The following RETREG1 variants were observed in gnomAD, a reference collection of about 807,000 sequenced individuals.
RETREG1 encodes family with sequence similarity 134 member B.
In RETREG1, 44 loss-of-function variants were observed where a neutral mutation model predicts 54.8. The ratio of observed to expected loss-of-function variants is 0.80; its 90% CI spans 0.63 to 1.03. RETREG1 has a LOEUF of 1.03. Among genes scored for constraint, RETREG1 ranks in the 50% least tolerant of loss-of-function variants. RETREG1 has a pLI of 0.00. For missense variants in RETREG1, 554 were observed against 605.1 expected (o/e 0.92, Z 0.89); for synonymous variants, 217 against 238.5 (o/e 0.91, Z 0.83).
chr5:16,571,844 A>G (rs1356780544), intron 2 of RETREG1, 152 bp downstream of exon 2: 4 of 637,376 alleles, frequency 6.3e-6, no homozygotes, highest in South Asian at 5.8e-5. Context: ...AGACAGCACC[A>G]CCTCAATAAA....
chr5:16,527,181 G>C (rs1740741424), intron 3 of RETREG1, among the ~76,000 whole-genome samples: 1 of 152,132 alleles, frequency 6.6e-6, no homozygotes, highest in African/African-American at 2.4e-5. Context: ...AAACCTTAGA[G>C]ATGGGGTCAA....
At position 16,608,249 on chromosome 5, in the gene RETREG1, C is replaced by T. The variant is rs185019868; in HGVS notation, c.320+8403G>A. ...GAATATCCTCTAGTCCAGCTCATTT[C>T]ACCAAACCTTTTTTAACATCTACAG... On this transcript the variant is annotated intron_variant, in intron 1 of 8. Coordinates refer to ENST00000306320, the MANE Select transcript of RETREG1 (RefSeq NM_001034850.3). 3.9e-5 allele frequency among the ~76,000 whole-genome samples: 6 copies of T among 152,266 alleles called. No individual in the cohort carries two copies. In the East Asian group the frequency reaches 1.2e-3, roughly 29 times the overall value.
intron 3 of RETREG1, among the ~76,000 whole-genome samples, chr5:16,486,057 C>T (rs1739007861): frequency 6.6e-6 from 1 of 152,010 alleles, no homozygotes; most frequent in African/African-American, 2.4e-5. Flanking sequence ...TTTTTTGGGA[C>T]AATAAATTTC....
chr5:16,499,960 A>G (rs1441933333), intron 3 of RETREG1, among the ~76,000 whole-genome samples: 1 of 152,082 alleles, frequency 6.6e-6, no homozygotes, highest in African/African-American at 2.4e-5. Flanking sequence ...CATCTTTTAT[A>G]CTCTCCATGG....
At chr5:16,564,016 T>C (rs1026151963) in intron 3 of RETREG1, among the ~76,000 whole-genome samples, 11 of 152,218 alleles carry the variant, frequency 7.2e-5, no homozygotes. Flanking sequence ...TTGTTATTCC[T>C]TTTTAAAAGA....
At chr5:16,531,284 G>C (rs1020209037) in intron 3 of RETREG1, among the ~76,000 whole-genome samples, 1 of 152,192 alleles carries the variant, frequency 6.6e-6, no homozygotes, top group African/African-American at 2.4e-5. Flanking sequence ...GGCTGAGCCA[G>C]GGCTATGTTT....
intron 3 of RETREG1, among the ~76,000 whole-genome samples, chr5:16,506,406 G>A (rs1411362213): frequency 6.6e-6 from 1 of 151,868 alleles, no homozygotes; most frequent in Non-Finnish European, 1.5e-5. Context: ...CCAAAGACTT[G>A]TCCAATGGCA....
chr5:16,577,290 T>TG (rs973334702), intron 1 of RETREG1, among the ~76,000 whole-genome samples: 10 of 43,142 alleles, frequency 2.3e-4, no homozygotes, highest in African/African-American at 9.7e-4. Context: ...CTTAGGTTTG[T>TG]TTTTTTTTTT....
chr5:16,575,458 A>C (rs897827982), intron 1 of RETREG1, among the ~76,000 whole-genome samples: 1 of 152,240 alleles, frequency 6.6e-6, no homozygotes, highest in Non-Finnish European at 1.5e-5. Flanking sequence ...ATCTTTTCAA[A>C]ACCAATGAAA....
intron 3 of RETREG1, among the ~76,000 whole-genome samples, chr5:16,490,793 TG>T: frequency 6.6e-6 from 1 of 152,184 alleles, no homozygotes. Flanking sequence ...GATTGGAACA[TG>T]GGGACCATTG....
chr5:16,571,970 TATAA>T, intron 2 of RETREG1, 22 bp downstream of exon 2: 2 of 1,528,676 alleles, frequency 1.3e-6, no homozygotes, highest in Non-Finnish European at 9.1e-7. Context: ...TTAAATACCA[TATAA>T]ATAAAATCTG....
chr5:16,544,012 G>A (rs1250526470), intron 3 of RETREG1, among the ~76,000 whole-genome samples: 2 of 108,360 alleles, frequency 1.8e-5, no homozygotes, highest in South Asian at 3.2e-4. Context: ...TCTCACTCTT[G>A]TCACCCAGGC....
chr5:16,509,718 C>A (rs1199549841), intron 3 of RETREG1, among the ~76,000 whole-genome samples: 31 of 152,048 alleles, frequency 2.0e-4, no homozygotes, highest in African/African-American at 7.0e-4. Flanking sequence ...AATGTGTTGC[C>A]AGGTGCTGTG....
At chr5:16,563,608 A>G (rs1741931364) in intron 3 of RETREG1, among the ~76,000 whole-genome samples, 1 of 152,202 alleles carries the variant, frequency 6.6e-6, no homozygotes, top group Non-Finnish European at 1.5e-5. Context: ...AATGAGAGCC[A>G]TGCTCACCCT....
intron 8 of RETREG1, among the ~76,000 whole-genome samples, chr5:16,477,232 C>T (rs1738575989): frequency 2.0e-5 from 3 of 152,076 alleles, no homozygotes; most frequent in African/African-American, 7.2e-5. Context: ...CAAAAAAACA[C>T]CCTTCTAAGG....
chr5:16,523,401 T>C (rs917500609), intron 3 of RETREG1, among the ~76,000 whole-genome samples: 1 of 151,710 alleles, frequency 6.6e-6, no homozygotes, highest in Non-Finnish European at 1.5e-5. Context: ...ATCTGAGGAG[T>C]GTTTTGTAGA....
intron 3 of RETREG1, among the ~76,000 whole-genome samples, chr5:16,520,579 C>T (rs912529494): frequency 1.3e-5 from 2 of 152,192 alleles, no homozygotes; most frequent in Non-Finnish European, 2.9e-5. Flanking sequence ...CCTCCTGCCC[C>T]AGCCTCCCAA....
In RETREG1 at chr5:16,561,754, T is replaced by G. The variant is rs549199976; in HGVS notation, c.458+4009A>C. ...TTAAACACTCAAACAGCTTCTGTAT[T>G]AAGAGACAGCACAGCAGAAATTCTC... On this transcript the variant is annotated intron_variant, in intron 3 of 8. Transcript: ENST00000306320. The surrounding 1 kb of genome is among the most constrained non-coding windows in gnomAD (Gnocchi z 4.2). 6.6e-6 allele frequency among the ~76,000 whole-genome samples: 1 copy of G among 152,322 alleles called. No individual in the cohort carries two copies. The highest frequency in any genetic ancestry group is 6.5e-5 in the Admixed American group (1 of 15,304).
intron 3 of RETREG1, among the ~76,000 whole-genome samples, chr5:16,497,127 C>T (rs1303265436): frequency 6.6e-6 from 1 of 152,186 alleles, no homozygotes; most frequent in Non-Finnish European, 1.5e-5. Context: ...ACACCAAGTG[C>T]TAGGCATGAC....
Sources: gnomAD v4.1 joint callset for allele counts (sites outside exome capture counted in the v4.1 genomes callset) on GRCh38, gnomAD v4.1.1 for gene constraint, Gnocchi (gnomAD v3.1) non-coding constraint, MANE v1.5 for transcripts, NCBI Gene and HGNC (gene_info 2026-07-23, HGNC 2026-07-21) for gene names.